SUGCT: variants seen among roughly 807,000 people sequenced by gnomAD.
The protein encoded by SUGCT is succinyl-CoA:glutarate-CoA transferase.
A neutral mutation model predicts 55.0 loss-of-function variants in SUGCT; 41 were observed. The ratio of observed to expected loss-of-function variants is 0.74; its 90% confidence interval spans 0.58 to 0.97. The LOEUF (loss-of-function observed/expected upper bound fraction) is 0.97. SUGCT is among the 50% of genes least tolerant of loss of function. The probability of loss-of-function intolerance (pLI) is 0.00; values close to 1 mark genes in which losing one functional copy is unlikely to be tolerated. For missense variants in SUGCT, 568 were observed against 547.8 expected (o/e 1.04, Z -0.37); for synonymous variants, 187 against 200.4 (o/e 0.93, Z 0.56).
At chr7:40,496,116 C>G (rs987081053) in intron 11 of SUGCT, among the ~76,000 whole-genome samples, 168 bp from the exon 12 acceptor site, 6 of 152,158 alleles carry the variant, frequency 3.9e-5, no homozygotes, top group African/African-American at 1.2e-4. Flanking sequence ...CACCACAGGG[C>G]CACTCAAGTC....
At chr7:40,627,973 G>T (rs1176944840) in intron 12 of SUGCT, among the ~76,000 whole-genome samples, 1 of 152,110 alleles carries the variant, frequency 6.6e-6, no homozygotes, top group Non-Finnish European at 1.5e-5. Flanking sequence ...ATTGCCTTTT[G>T]GACTTCGGGT....
At chr7:40,898,198 C>G in the SUGCT span, among the ~76,000 whole-genome samples, 6 of 152,206 alleles carry the variant, frequency 3.9e-5, no homozygotes, top group East Asian at 1.2e-3. Flanking sequence ...CTGGACGTGC[C>G]ACTTTTATGA....
chr7:40,870,341 A>T, the SUGCT span, among the ~76,000 whole-genome samples: 1 of 152,082 alleles, frequency 6.6e-6, no homozygotes, highest in African/African-American at 2.4e-5. Context: ...CTTCACAGAC[A>T]GTGGTGTAAC....
At chr7:40,794,323 A>G (rs1790450424) in intron 13 of SUGCT, among the ~76,000 whole-genome samples, 1 of 152,064 alleles carries the variant, frequency 6.6e-6, no homozygotes. Context: ...GTTACTCTCA[A>G]AGTGGTGTGA....
intron 12 of SUGCT, among the ~76,000 whole-genome samples, chr7:40,742,307 G>T (rs1787504396): frequency 6.6e-6 from 1 of 152,242 alleles, no homozygotes; most frequent in Middle Eastern, 3.4e-3. Flanking sequence ...AACAAAAAAA[G>T]TCAGCTTTTA....
rs1789654219 is a variant in SUGCT at position 40,459,175 on chromosome 7, G to A, written c.963G>A (p.Glu321=). 1 of 1,605,966 alleles carries A rather than the reference G, an allele frequency of 6.2e-7. No homozygotes were observed. The highest frequency in any genetic ancestry group is 8.5e-7 in the Non-Finnish European group (1 of 1,174,016). Reference sequence around the variant, plus strand: ...ACCTTCGGGTACACAATAGAAAAGAGCTTATTAAAATATTATCTGAACGGT... The same window carrying A: ...ACCTTCGGGTACACAATAGAAAAGAACTTATTAAAATATTATCTGAACGGT... The part of the protein sequence containing the change: ...TNHLRVHNRK[E]LIKILSERFE... Residue 321 remains glutamate, a synonymous_variant, in exon 11 of 14, where the codon GAG becomes GAA. Coordinates refer to ENST00000335693, the MANE Select transcript of SUGCT (RefSeq NM_001193313.2).
intron 11 of SUGCT, among the ~76,000 whole-genome samples, chr7:40,494,227 T>C (rs1791854283): frequency 1.3e-5 from 2 of 152,224 alleles, no homozygotes; most frequent in African/African-American, 4.8e-5. Flanking sequence ...ATAAATTCTG[T>C]TGTCTTGAAA....
chr7:40,934,086 G>A, the SUGCT span, among the ~76,000 whole-genome samples: 8 of 152,122 alleles, frequency 5.3e-5, no homozygotes, highest in African/African-American at 1.9e-4. Context: ...TCTACCTTTG[G>A]TCTTTGTTGT....
chr7:40,936,087 C>A, the SUGCT span, among the ~76,000 whole-genome samples: 1 of 151,880 alleles, frequency 6.6e-6, no homozygotes, highest in Non-Finnish European at 1.5e-5. Flanking sequence ...AGTTATTTGC[C>A]TTTTATTTTT....
chr7:40,872,925 A>G, the SUGCT span, among the ~76,000 whole-genome samples: 1 of 152,128 alleles, frequency 6.6e-6, no homozygotes, highest in Admixed American at 6.5e-5. Context: ...AGGTGGATTA[A>G]GGCTAAAGTG....
intron 12 of SUGCT, among the ~76,000 whole-genome samples, chr7:40,710,084 C>G (rs1411110520): frequency 6.6e-6 from 1 of 152,170 alleles, no homozygotes; most frequent in East Asian, 1.9e-4. Context: ...TGTACATAAA[C>G]TAGGGACAGC....
intron 7 of SUGCT, among the ~76,000 whole-genome samples, chr7:40,258,686 T>G (rs1001251837): frequency 1.3e-5 from 2 of 152,218 alleles, no homozygotes; most frequent in Non-Finnish European, 1.5e-5. Flanking sequence ...CTGGAAAATA[T>G]GTTTTTTCAC....
At chr7:40,732,980 C>A (rs575827052) in intron 12 of SUGCT, among the ~76,000 whole-genome samples, 2 of 152,204 alleles carry the variant, frequency 1.3e-5, no homozygotes, top group East Asian at 3.9e-4. Context: ...GAGGCTGAGG[C>A]AGGAGAATCA....
At chr7:40,339,614 G>T (rs184113843) in intron 9 of SUGCT, among the ~76,000 whole-genome samples, 45 of 152,322 alleles carry the variant, frequency 3.0e-4, no homozygotes, top group Middle Eastern at 3.4e-3. Flanking sequence ...ATTAGGGTGG[G>T]AGTGACCCGA....
intron 12 of SUGCT, among the ~76,000 whole-genome samples, chr7:40,505,584 T>C (rs1307129822): frequency 1.3e-5 from 2 of 152,138 alleles, no homozygotes; most frequent in African/African-American, 2.4e-5. Context: ...GAAATTGACT[T>C]CAGTTTTGTA....
the SUGCT span, among the ~76,000 whole-genome samples, chr7:40,898,839 A>G: frequency 1.3e-5 from 2 of 152,134 alleles, no homozygotes; most frequent in African/African-American, 4.8e-5. Flanking sequence ...GGGGGCCATT[A>G]GGTGATTCAT....
chr7:40,581,245 A>T (rs1797072137), intron 12 of SUGCT, among the ~76,000 whole-genome samples: 1 of 152,026 alleles, frequency 6.6e-6, no homozygotes, highest in Admixed American at 6.6e-5. Context: ...GAAATTAAAA[A>T]CTCTATAATT....
chr7:40,195,045 T>C lies in SUGCT; in HGVS notation c.469T>C (p.Tyr157His). Residue 157 changes from tyrosine (Y) to histidine (H), a missense_variant, in exon 6 of 14, where the codon TAT becomes CAT. Physicochemically the swap from Tyr to His is moderately conservative, Grantham distance 83. Coordinates refer to ENST00000335693, the MANE Select transcript of SUGCT (RefSeq NM_001193313.2). The part of the protein sequence containing the change: ...DIDEIAPHII[Y>H]CSITGYGQTG... ...AGACGAGATTGCTCCTCACATCATC[T>C]ATTGTTCCATCACAGGTATTTCAAC... The C allele has an allele frequency of 1.2e-6, 2 of 1,613,466 alleles. No individual in the cohort carries two copies.
chr7:40,928,747 G>T, the SUGCT span, among the ~76,000 whole-genome samples: 14 of 151,598 alleles, frequency 9.2e-5, no homozygotes, highest in African/African-American at 3.1e-4. Context: ...CTACAGGCAC[G>T]CACCACCATG....
Sources: gnomAD v4.1 joint callset for allele counts (sites outside exome capture counted in the v4.1 genomes callset) on GRCh38, gnomAD v4.1.1 for gene constraint, MANE v1.5 for transcripts, NCBI Gene and HGNC (gene_info 2026-07-23, HGNC 2026-07-21) for gene names.